The following PCDHGA6 variants were observed in gnomAD, a reference collection of about 807,000 sequenced individuals.
PCDHGA6 encodes protocadherin gamma-A6.
Under a neutral mutation model 60.6 loss-of-function variants are expected in PCDHGA6, and 41 were observed. The observed-to-expected ratio is 0.68, with a 90% CI of 0.53 to 0.88. The LOEUF is 0.88. Among genes scored for constraint, PCDHGA6 ranks in the 40% least tolerant of loss-of-function variants. The pLI, the probability that PCDHGA6 is intolerant of heterozygous loss-of-function variation, is 0.00. For missense variants in PCDHGA6, 1,312 were observed against 1,203.0 expected, an observed-to-expected ratio of 1.09 and a Z score of -1.34; for synonymous variants, 594 against 524.4, an observed-to-expected ratio of 1.13 and a Z score of -1.81.
At chr5:141,499,779 C>T (rs1450026011) in intron 2 of PCDHGA6, among the ~76,000 whole-genome samples, 3 of 151,452 alleles carry the variant, frequency 2.0e-5, no homozygotes, top group Non-Finnish European at 4.4e-5. Flanking sequence ...CTTCGCCTCC[C>T]GGGTTCAAGC....
At chr5:141,415,366 G>T in intron 1 of PCDHGA6, 1 of 1,614,252 alleles carries the variant, frequency 6.2e-7, no homozygotes, top group South Asian at 1.1e-5. Flanking sequence ...CCTGCTGCAG[G>T]CTTCAGGAGG....
Position 141,491,910 on chromosome 5 carries a change from G to A in PCDHGA6, c.2425-2897G>A, listed in dbSNP as rs946745903. 1.4e-5 allele frequency: 19 copies of A among 1,406,944 alleles called. No individual in the cohort carries two copies. The South Asian group carries it at 2.6e-4, about 19-fold the overall frequency. 87.2% of individuals were successfully genotyped at this position (1,406,944 alleles called of 1,614,324 possible). On this transcript the variant is annotated intron_variant, in intron 1 of 3. Transcript: ENST00000517434. This position sits in a 1 kb window ranked among gnomAD's most constrained non-coding sequence, Gnocchi z 6.9. ...GGCTCCGAGCACCGGGGGTGGTGGCGACTGTGGGCGAGGGGAGGTGGGACC... is the reference window on the plus strand; with the variant it reads ...GGCTCCGAGCACCGGGGGTGGTGGCAACTGTGGGCGAGGGGAGGTGGGACC...
At chr5:141,482,602 C>T (rs2099569087) in intron 1 of PCDHGA6, among the ~76,000 whole-genome samples, 1 of 142,506 alleles carries the variant, frequency 7.0e-6, no homozygotes, top group Non-Finnish European at 1.5e-5. Flanking sequence ...CGGGAAAAAA[C>T]ACCTAAATGA....
intron 1 of PCDHGA6, among the ~76,000 whole-genome samples, chr5:141,425,325 A>G (rs1371591408): frequency 6.6e-6 from 1 of 152,240 alleles, no homozygotes. Context: ...ATCGTGGAGA[A>G]CAAAAAGGAA....
chr5:141,409,577 G>A, intron 1 of PCDHGA6: 1 of 1,613,920 alleles, frequency 6.2e-7, no homozygotes, highest in South Asian at 1.1e-5. Context: ...GTCCTACGTG[G>A]TCCACGTGGC....
chr5:141,431,237 C>A lies in PCDHGA6; in HGVS notation c.2424+54730C>A. 1 of 1,614,170 alleles carries A rather than the reference C, an allele frequency of 6.2e-7. No homozygotes were observed. Among genetic ancestry groups the A allele is most frequent in the Non-Finnish European group, 8.5e-7 (1 of 1,180,044 alleles). The stretch of plus-strand genomic sequence containing the variant: ...GTTCCCTCTACCCCACGCCTGGGAT[C>A]CGGATATCGGGAAGAACTCTCTGCA... On this transcript the variant is annotated intron_variant, in intron 1 of 3. Transcript: ENST00000517434. The surrounding 1 kb of genome is among the most constrained non-coding windows in gnomAD (Gnocchi z 4.8).
chr5:141,377,114 GA>G (rs1209005663), intron 1 of PCDHGA6: 4 of 152,232 alleles, frequency 2.6e-5, no homozygotes, highest in African/African-American at 9.7e-5. Flanking sequence ...AGAATGTTCT[GA>G]AGTCTTAATT....
chr5:141,418,688 A>C, intron 1 of PCDHGA6: 2 of 1,614,032 alleles, frequency 1.2e-6, no homozygotes, highest in Non-Finnish European at 1.7e-6. Flanking sequence ...CAACTCAGAG[A>C]TCACTTATTC....
intron 1 of PCDHGA6, among the ~76,000 whole-genome samples, chr5:141,437,771 A>G (rs971065583): frequency 7.9e-5 from 12 of 151,238 alleles, no homozygotes; most frequent in Admixed American, 6.6e-5. Context: ...CAGAGTCTCA[A>G]TCTGTCGCCA....
intron 1 of PCDHGA6, chr5:141,408,468 G>T: frequency 6.2e-7 from 1 of 1,614,070 alleles, no homozygotes; most frequent in Non-Finnish European, 8.5e-7. Context: ...GTGAAGAACC[G>T]AATAGACCGT....
chr5:141,432,133 C>T lies in PCDHGA6; in HGVS notation c.2424+55626C>T, dbSNP rs1468632362. The stretch of plus-strand genomic sequence containing the variant: ...CGGTCTTCCCTCAGGCCTCCTATTC[C>T]GCTTATATCCCAGAGAACAATCCCA... On this transcript the variant is annotated intron_variant, in intron 1 of 3. Transcript: ENST00000517434. This position sits in a 1 kb window ranked among gnomAD's most constrained non-coding sequence, Gnocchi z 6.0. 9 of 1,614,142 alleles carry T rather than the reference C, an allele frequency of 5.6e-6. No homozygotes were observed. The highest frequency in any genetic ancestry group is 1.6e-4 in the Middle Eastern group (1 of 6,062).
At chr5:141,510,155 C>G (rs1044168112) in intron 3 of PCDHGA6, among the ~76,000 whole-genome samples, 2 of 151,942 alleles carry the variant, frequency 1.3e-5, no homozygotes, top group African/African-American at 4.8e-5. Context: ...CACCTGTAAT[C>G]TCAGCTACTC....
intron 1 of PCDHGA6, among the ~76,000 whole-genome samples, chr5:141,481,647 A>G (rs749515062): frequency 1.6e-4 from 25 of 151,712 alleles, no homozygotes; most frequent in Non-Finnish European, 2.8e-4. Flanking sequence ...GTGAAACTTC[A>G]TCTCTACTAA....
intron 1 of PCDHGA6, chr5:141,385,418 A>C: frequency 6.8e-7 from 1 of 1,466,614 alleles, no homozygotes; most frequent in Non-Finnish European, 9.0e-7. Flanking sequence ...ATAGGGATTT[A>C]AAAAACTTTA....
intron 1 of PCDHGA6, among the ~76,000 whole-genome samples, chr5:141,458,215 T>C (rs2098940075): frequency 1.3e-5 from 2 of 152,174 alleles, no homozygotes; most frequent in African/African-American, 2.4e-5. Context: ...TTAAAATAAG[T>C]TTCCTTTCCC....
chr5:141,471,042 C>G (rs2099247416), intron 1 of PCDHGA6, among the ~76,000 whole-genome samples: 1 of 139,088 alleles, frequency 7.2e-6, no homozygotes, highest in South Asian at 2.3e-4. Flanking sequence ...CAAGCCCAAG[C>G]CCTCTTTTTT....
chr5:141,507,609 A>G (rs2099862010), intron 3 of PCDHGA6, among the ~76,000 whole-genome samples: 1 of 152,260 alleles, frequency 6.6e-6, no homozygotes, highest in Non-Finnish European at 1.5e-5. Context: ...ATAAACAGGT[A>G]TATTTAGCTG....
chr5:141,433,406 TTA>T (rs2097606059), intron 1 of PCDHGA6, among the ~76,000 whole-genome samples: 1 of 149,982 alleles, frequency 6.7e-6, no homozygotes. Flanking sequence ...TATCTATCTA[TTA>T]CTTTCTTGTA....
chr5:141,410,206 G>T (rs774541712), intron 1 of PCDHGA6: 2 of 1,614,026 alleles, frequency 1.2e-6, no homozygotes, highest in South Asian at 1.1e-5. Context: ...CAGACAACTT[G>T]CAAGAGATAC....
Sources: gnomAD v4.1 joint callset for allele counts (sites outside exome capture counted in the v4.1 genomes callset) on GRCh38, gnomAD v4.1.1 for gene constraint, Gnocchi (gnomAD v3.1) non-coding constraint, MANE v1.5 for transcripts, NCBI Gene and HGNC (gene_info 2026-07-23, HGNC 2026-07-21) for gene names.